Variants in MLXIP observed in about 807,000 individuals in gnomAD.
MLXIP encodes MLX-interacting protein.
Under a neutral mutation model 87.2 loss-of-function variants are expected in MLXIP, and 30 were observed. The ratio of observed to expected loss-of-function variants is 0.34; its 90% CI spans 0.26 to 0.47. The LOEUF (loss-of-function observed/expected upper bound fraction) is 0.47. MLXIP is among the 20% of genes least tolerant of loss of function. The pLI is 1.00. For synonymous variants in MLXIP, 530 were observed against 514.0 expected (o/e 1.03, Z -0.42); for missense variants, 1,002 against 1,240.1 (o/e 0.81, Z 2.88).
intron 1 of MLXIP, among the ~76,000 whole-genome samples, chr12:122,112,379 C>G (rs1177480713): frequency 6.6e-6 from 1 of 152,186 alleles, no homozygotes; most frequent in Non-Finnish European, 1.5e-5. Flanking sequence ...TGGCTCACGC[C>G]TGTAATCCCA....
rs776175074 is a variant in MLXIP at position 122,142,204 on chromosome 12, CT to C, written c.*394del. 269 of 701,164 alleles carry C rather than the reference CT, an allele frequency of 3.8e-4. No individual in the cohort carries two copies. In the African/African-American group the frequency reaches 4.4e-3, roughly 11 times the overall value. The allele number at this position is 701,164 out of a possible 1,614,324, so 43.4% of individuals were successfully genotyped here. A position where few individuals can be genotyped will look rare whatever the true frequency, so the allele number is the denominator to read the frequency against. On this transcript the variant is annotated 3_prime_UTR_variant, in exon 17 of 17. Transcript: ENST00000319080. ...GCCTGCTCCTGTCCTGAGGCCCAGC[CT>C]TGTCCCTCCTGCCACGTCCTGTCCA...
chr12:122,134,977 C>CT (rs1415734786), intron 9 of MLXIP: 7 of 430,406 alleles, frequency 1.6e-5, no homozygotes, highest in African/African-American at 1.1e-4. Context: ...CCCAGCCTCT[C>CT]TATCTTTTTT....
intron 1 of MLXIP, among the ~76,000 whole-genome samples, chr12:122,113,719 C>CT (rs1254730670): frequency 8.4e-6 from 1 of 119,530 alleles, no homozygotes; most frequent in Non-Finnish European, 1.6e-5. Context: ...GAGTCTCGCT[C>CT]TGTCGCCCAG....
chr12:122,141,601 AT>A, intron 16 of MLXIP, 89 bp from the exon 17 acceptor site: 1 of 1,551,758 alleles, frequency 6.4e-7, no homozygotes, highest in Non-Finnish European at 8.7e-7. Flanking sequence ...GTGCCTGAGC[AT>A]TCCCACATGG....
intron 1 of MLXIP, among the ~76,000 whole-genome samples, chr12:122,125,101 G>T (rs944538766): frequency 6.6e-6 from 1 of 152,218 alleles, no homozygotes; most frequent in East Asian, 1.9e-4. Flanking sequence ...GGGAGGCAGA[G>T]GTTGCCGTGA....
At position 122,141,036 on chromosome 12, in the gene MLXIP, C is replaced by T. The variant is rs373282336; in HGVS notation, c.2591C>T (p.Ala864Val). Residue 864 changes from alanine to valine, a missense_variant, in exon 16 of 17, where the codon GCG becomes GTG. Ala to Val is a moderately conservative substitution (Grantham distance 64). Coordinates refer to ENST00000319080, the MANE Select transcript of MLXIP (RefSeq NM_014938.6). ...TSSLEELHRTALSWLDQHCSL... is the reference protein window; with the variant it reads ...TSSLEELHRTVLSWLDQHCSL... ...AGCCTGGAGGAGCTGCACCGGACGG[C>T]GCTCTCCTGGCTGGACCAGCACTGC... The T allele has an allele frequency of 9.3e-6, 15 of 1,613,544 alleles. No homozygotes were observed. The highest frequency in any genetic ancestry group is 5.3e-5 in the African/African-American group (4 of 74,944).
At chr12:122,105,090 G>A (rs1952499453) in intron 1 of MLXIP, among the ~76,000 whole-genome samples, 2 of 152,242 alleles carry the variant, frequency 1.3e-5, no homozygotes, top group African/African-American at 4.8e-5. Flanking sequence ...CATTTTTGGT[G>A]GGTGCCTCAT....
intron 1 of MLXIP, among the ~76,000 whole-genome samples, chr12:122,103,213 ATTTATTTATTTATTTATT>A (rs1565965582): frequency 3.9e-4 from 56 of 144,114 alleles, no homozygotes; most frequent in Admixed American, 5.5e-4. Flanking sequence ...TTATTTATTT[ATTTATTTATTTATTTATT>A]TATTTATTTT....
Position 122,141,818 on chromosome 12 carries a change from T to G in MLXIP, c.*6T>G. 1 of 1,613,194 alleles carries G rather than the reference T, an allele frequency of 6.2e-7. No individual in the cohort carries two copies. Among genetic ancestry groups the G allele is most frequent in the African/African-American group, 1.3e-5 (1 of 75,030 alleles). The stretch of plus-strand genomic sequence containing the variant: ...AGAGATTGGGAGAGTCCTAGCTGCT[T>G]AGCTGGCATGTGGCCGCATGAGATG... On this transcript the variant is annotated 3_prime_UTR_variant, in exon 17 of 17. Transcript: ENST00000319080.
intron 1 of MLXIP, among the ~76,000 whole-genome samples, chr12:122,111,037 A>G (rs1160726463): frequency 6.7e-6 from 1 of 148,150 alleles, no homozygotes; most frequent in Admixed American, 6.9e-5. Context: ...AGATGGCGCC[A>G]CTGCCCTCCA....
chr12:122,108,072 A>G (rs927269661), intron 1 of MLXIP, among the ~76,000 whole-genome samples: 3 of 152,158 alleles, frequency 2.0e-5, no homozygotes, highest in Admixed American at 2.0e-4. Flanking sequence ...TTTTTATGAC[A>G]TTAAGACAGA....
intron 1 of MLXIP, among the ~76,000 whole-genome samples, chr12:122,110,885 G>A (rs1224760986): frequency 1.3e-5 from 2 of 152,036 alleles, no homozygotes; most frequent in East Asian, 1.9e-4. Context: ...AGACCATCCT[G>A]GCTAACATGG....
intron 1 of MLXIP, among the ~76,000 whole-genome samples, chr12:122,093,133 CTG>C (rs1952273957): frequency 8.7e-6 from 1 of 115,174 alleles, no homozygotes; most frequent in Non-Finnish European, 1.8e-5. Context: ...TGTGTGGGGT[CTG>C]TTGATGTGTG....
chr12:122,120,569 C>T (rs549680960), intron 1 of MLXIP, among the ~76,000 whole-genome samples: 99 of 152,298 alleles, frequency 6.5e-4, no homozygotes, highest in African/African-American at 2.3e-3. Flanking sequence ...ACTGAATCAT[C>T]TACTTTAAAA....
intron 1 of MLXIP, among the ~76,000 whole-genome samples, chr12:122,117,506 G>A (rs927275990): frequency 6.6e-6 from 1 of 152,248 alleles, no homozygotes; most frequent in African/African-American, 2.4e-5. Context: ...TCCTGGAAGA[G>A]TCATTCCTCC....
chr12:122,138,490 C>G lies in MLXIP; in HGVS notation c.2323C>G (p.Gln775Glu). Residue 775 changes from glutamine to glutamate, a missense_variant, in exon 14 of 17, where the codon CAG becomes GAG. Transcript: ENST00000319080. The stretch of plus-strand genomic sequence containing the variant: ...CACCAAGCTGCAGCAGGAGAGAGGC[C>G]AGATGCAGGAGGAGGCCCGGCGGCT... The part of the protein sequence containing the change: ...YITKLQQERG[Q>E]MQEEARRLRE... 6.2e-7 allele frequency: 1 copy of G among 1,613,848 alleles called. No homozygotes were observed.
chr12:122,139,926 G>A (rs1248938489), intron 15 of MLXIP, among the ~76,000 whole-genome samples: 1 of 152,112 alleles, frequency 6.6e-6, no homozygotes, highest in Non-Finnish European at 1.5e-5. Context: ...CCCCTGCCTT[G>A]GCCTCCCAAA....
At chr12:122,124,214 T>C (rs1219221769) in intron 1 of MLXIP, among the ~76,000 whole-genome samples, 21 of 5,680 alleles carry the variant, frequency 3.7e-3, no homozygotes, top group African/African-American at 0.022. Context: ...GTCCCCCTCC[T>C]CAGCCGTCCC....
At chr12:122,121,864 G>A (rs1028029456) in intron 1 of MLXIP, among the ~76,000 whole-genome samples, 2 of 152,198 alleles carry the variant, frequency 1.3e-5, no homozygotes, top group Non-Finnish European at 2.9e-5. Context: ...TCAAGAACCT[G>A]CCTTCTAGGA....
Sources: allele counts gnomAD v4.1 joint callset (sites outside exome capture counted in the v4.1 genomes callset), GRCh38; gene constraint gnomAD v4.1.1; transcripts MANE v1.5; gene names NCBI Gene and HGNC (gene_info 2026-07-23, HGNC 2026-07-21).